Variants in PPFIA2 observed in about 807,000 individuals in gnomAD.
The protein encoded by PPFIA2 is PPFI scaffold protein A2.
Under a neutral mutation model 175.5 loss-of-function variants are expected in PPFIA2, and 46 were observed. The observed-to-expected ratio is 0.26, with a 90% CI of 0.21 to 0.34. The LOEUF (loss-of-function observed/expected upper bound fraction) is 0.34. Among genes scored for constraint, PPFIA2 ranks in the 10% least tolerant of loss-of-function variants. The pLI is 1.00. For missense variants in PPFIA2, 1,179 were observed against 1,506.1 expected (o/e 0.78, Z 3.60); for synonymous variants, 568 against 511.4 (o/e 1.11, Z -1.49).
At chr12:81,448,756 A>G (rs2051822581) in intron 5 of PPFIA2, among the ~76,000 whole-genome samples, 1 of 152,196 alleles carries the variant, frequency 6.6e-6, no homozygotes, top group African/African-American at 2.4e-5. Context: ...TCTTTCAGAA[A>G]TCTGTATGAC....
At chr12:81,405,971 T>C in intron 7 of PPFIA2, 68 bp from the exon 8 acceptor site, 2 of 853,518 alleles carry the variant, frequency 2.3e-6, no homozygotes, top group Non-Finnish European at 1.8e-6. Flanking sequence ...AAAATGAATT[T>C]ACTTCAATGT....
At chr12:81,547,839 A>T (rs1260727323) in intron 4 of PPFIA2, among the ~76,000 whole-genome samples, 1 of 152,214 alleles carries the variant, frequency 6.6e-6, no homozygotes. Flanking sequence ...GGACTAGAAC[A>T]CTAATGTGGT....
At chr12:81,509,966 A>C (rs2147759469) in intron 4 of PPFIA2, among the ~76,000 whole-genome samples, 1 of 152,266 alleles carries the variant, frequency 6.6e-6, no homozygotes, top group East Asian at 1.9e-4. Context: ...AGGAGAAAAG[A>C]ACACACACCA....
At chr12:81,290,958 A>C (rs556284922) in intron 24 of PPFIA2, among the ~76,000 whole-genome samples, 2 of 151,956 alleles carry the variant, frequency 1.3e-5, no homozygotes, top group East Asian at 3.9e-4. Context: ...ATATTCAATA[A>C]CTAAAAGTGA....
intron 20 of PPFIA2, among the ~76,000 whole-genome samples, chr12:81,339,629 G>A (rs1269414463): frequency 1.3e-5 from 2 of 151,848 alleles, no homozygotes; most frequent in African/African-American, 2.4e-5. Context: ...TTAACTGCAT[G>A]ATAAATGGCC....
chr12:81,358,459 A>G (rs2061170085), intron 15 of PPFIA2, among the ~76,000 whole-genome samples: 1 of 152,154 alleles, frequency 6.6e-6, no homozygotes, highest in South Asian at 2.1e-4. Flanking sequence ...TACAGTGCTT[A>G]TAACCTTTCT....
intron 4 of PPFIA2, among the ~76,000 whole-genome samples, chr12:81,514,762 C>T (rs1354517570): frequency 6.6e-6 from 1 of 151,834 alleles, no homozygotes; most frequent in Admixed American, 6.6e-5. Flanking sequence ...ATTAAATATA[C>T]TAAATTATCC....
chr12:81,287,743 A>G (rs962467596), intron 24 of PPFIA2, among the ~76,000 whole-genome samples: 1 of 151,900 alleles, frequency 6.6e-6, no homozygotes, highest in African/African-American at 2.4e-5. Flanking sequence ...GTGACGGAGT[A>G]ATTTACAGCA....
intron 22 of PPFIA2, among the ~76,000 whole-genome samples, chr12:81,307,893 T>G (rs1039852320): frequency 3.9e-5 from 6 of 152,224 alleles, no homozygotes; most frequent in Non-Finnish European, 7.3e-5. Context: ...CCTTTTCTTC[T>G]GCCAAGAGCA....
chr12:81,370,794 A>G (rs555944652), intron 11 of PPFIA2, among the ~76,000 whole-genome samples: 11 of 152,054 alleles, frequency 7.2e-5, no homozygotes, highest in African/African-American at 2.2e-4. Context: ...AGTTATATCA[A>G]CATTTTAATC....
chr12:81,743,272 C>T (rs12302916), intron 3 of PPFIA2, among the ~76,000 whole-genome samples: 359 of 151,786 alleles, frequency 2.4e-3, no homozygotes, highest in African/African-American at 8.0e-3. Context: ...CAAAAATTAG[C>T]TGGGCATGGT....
At chr12:81,665,992 C>CA (rs1309765720) in intron 4 of PPFIA2, among the ~76,000 whole-genome samples, 1 of 151,948 alleles carries the variant, frequency 6.6e-6, no homozygotes, top group Non-Finnish European at 1.5e-5. Flanking sequence ...TTTATGCAGC[C>CA]AAAAAACACA....
At chr12:81,358,295 T>C in intron 15 of PPFIA2, 78 bp from the exon 16 acceptor site, 1 of 1,345,666 alleles carries the variant, frequency 7.4e-7, no homozygotes, top group East Asian at 2.5e-5. Flanking sequence ...GCTGTTTTAC[T>C]GGCAATAAAG....
intron 7 of PPFIA2, among the ~76,000 whole-genome samples, chr12:81,421,578 C>CA (rs1428020492): frequency 5.9e-5 from 9 of 151,522 alleles, no homozygotes; most frequent in Non-Finnish European, 1.3e-4. Flanking sequence ...CAAATAACTA[C>CA]AAAAAACCAT....
intron 4 of PPFIA2, among the ~76,000 whole-genome samples, chr12:81,493,141 G>C (rs185478871): frequency 6.6e-6 from 1 of 152,160 alleles, no homozygotes; most frequent in East Asian, 1.9e-4. Context: ...AGTTTTTGAT[G>C]CGTTAAATTG....
intron 3 of PPFIA2, among the ~76,000 whole-genome samples, chr12:81,714,094 G>C (rs76304800): frequency 6.6e-6 from 1 of 151,078 alleles, no homozygotes; most frequent in Non-Finnish European, 1.5e-5. Flanking sequence ...AGCGTAATTG[G>C]AGAAAAGAAA....
intron 13 of PPFIA2, among the ~76,000 whole-genome samples, chr12:81,367,428 C>T (rs941249388): frequency 6.6e-6 from 1 of 151,486 alleles, no homozygotes; most frequent in Admixed American, 6.6e-5. Flanking sequence ...GCATTTTAAG[C>T]TACTTCTGTT....
chr12:81,302,276 C>A, intron 22 of PPFIA2: 1 of 353,078 alleles, frequency 2.8e-6, no homozygotes, highest in South Asian at 2.2e-5. Flanking sequence ...CACTTTCTCA[C>A]AATAGTACTG....
chr12:81,620,979 T>C (rs1368350508), intron 4 of PPFIA2, among the ~76,000 whole-genome samples: 1 of 152,170 alleles, frequency 6.6e-6, no homozygotes, highest in Non-Finnish European at 1.5e-5. Flanking sequence ...TGGTGTGGAA[T>C]GAAATGTGAG....
Sources: gnomAD v4.1 joint callset for allele counts (sites outside exome capture counted in the v4.1 genomes callset) on GRCh38, gnomAD v4.1.1 for gene constraint, MANE v1.5 for transcripts, NCBI Gene and HGNC (gene_info 2026-07-23, HGNC 2026-07-21) for gene names.